DPF1: variants seen among roughly 807,000 people sequenced by gnomAD.
The protein encoded by DPF1 is zinc finger protein neuro-d4.
DPF1 carries 14 observed loss-of-function variants against 58.7 expected under a neutral mutation model. The ratio of observed to expected loss-of-function variants is 0.24; its 90% CI spans 0.16 to 0.37. The LOEUF is 0.37. Ranked by LOEUF, DPF1 falls within the 10% of genes least tolerant of loss-of-function variation. DPF1 has a pLI of 1.00. For synonymous variants in DPF1, 216 were observed against 216.0 expected, an observed-to-expected ratio of 1.00 and a Z score of 0.00; for missense variants, 345 against 529.9, an observed-to-expected ratio of 0.65 and a Z score of 3.43.
At position 38,229,437 on chromosome 19, in the gene DPF1, TG is replaced by T. The variant is rs970760545; in HGVS notation, c.-132+121del. 584 of 391,714 alleles carry T rather than the reference TG, an allele frequency of 1.5e-3. 4 individuals carry two copies. Among genetic ancestry groups the T allele is most frequent in the African/African-American group, 0.012 (558 of 44,700 alleles). 24.3% of individuals were successfully genotyped at this position (391,714 alleles called of 1,614,324 possible). A position where few individuals can be genotyped will look rare whatever the true frequency, so the allele number is the denominator to read the frequency against. On this transcript the variant is annotated intron_variant, in intron 1 of 11. Transcript: ENST00000412732. The surrounding 1 kb of genome is among the most constrained non-coding windows in gnomAD (Gnocchi z 5.3). Reference sequence around the variant, plus strand: ...GGACCCCCGGGGCAAGGGTTCGCGCTGGGGGCCCCCATTCAACTACGGTCCG... The same window carrying T: ...GGACCCCCGGGGCAAGGGTTCGCGCTGGGGCCCCCATTCAACTACGGTCCG...
Position 38,219,021 on chromosome 19 carries a change from C to T in DPF1, c.336G>A (p.Pro112=), listed in dbSNP as rs201702189. 22 of 1,614,060 alleles carry T rather than the reference C, an allele frequency of 1.4e-5. No homozygotes were observed. Among genetic ancestry groups the T allele is most frequent in the African/African-American group, 5.3e-5 (4 of 74,934 alleles). The change falls in exon 4 of 12, where the codon CCG becomes CCA. Residue 112 remains proline (P), a synonymous_variant. Coordinates refer to ENST00000355526, the MANE Select transcript of DPF1 (RefSeq NM_001135155.3). ...EAPLKKEGGL[P]EGPVLEALLC... ...GTAGAGCCTCGAGGACCGGCCCTTC[C>T]GGGAGGCCACCCTCCTTCTTCAGGG...
rs1967532514 is a variant in DPF1, at chr19:38,222,165, G to C, written c.298+192C>G. ...ACTGGGCACCTGGGCCCATGTAGGA[G>C]GAGATGCAGTCGCCACTCAGTGACT... On this transcript the variant is annotated intron_variant, in intron 3 of 11. Transcript: ENST00000355526. The surrounding 1 kb of genome is among the most constrained non-coding windows in gnomAD (Gnocchi z 4.9). 6.6e-6 allele frequency among the ~76,000 whole-genome samples: 1 copy of C among 152,070 alleles called. No individual in the cohort carries two copies. Among genetic ancestry groups the C allele is most frequent in the Admixed American group, 6.6e-5 (1 of 15,254 alleles).
chr19:38,217,632 G>C (rs1303094094), intron 6 of DPF1, 41 bp from the exon 7 acceptor site: 1 of 1,531,010 alleles, frequency 6.5e-7, no homozygotes, highest in Non-Finnish European at 8.8e-7. Context: ...CAGCCCCTCC[G>C]GGCCCCTGCC....
intron 10 of DPF1, 48 bp from the exon 11 acceptor site, chr19:38,212,409 A>C: frequency 2.0e-6 from 1 of 496,644 alleles, no homozygotes; most frequent in Non-Finnish European, 3.5e-6. Flanking sequence ...CACGGGCACC[A>C]GAAACGGGGG....
intron 5 of DPF1, among the ~76,000 whole-genome samples, chr19:38,218,299 T>C (rs527488188): frequency 6.6e-6 from 1 of 152,350 alleles, no homozygotes; most frequent in East Asian, 1.9e-4. Context: ...GCCTTGAACC[T>C]CTCCAAGGTT....
intron 3 of DPF1, among the ~76,000 whole-genome samples, chr19:38,221,581 C>T (rs1281719747): frequency 6.6e-6 from 1 of 151,910 alleles, no homozygotes; most frequent in African/African-American, 2.4e-5. Context: ...ATCCCAGTTC[C>T]CAGGGGAAGG....
chr19:38,219,165 A>C, intron 3 of DPF1, 107 bp from the exon 4 acceptor site: 1 of 1,500,194 alleles, frequency 6.7e-7, no homozygotes, highest in South Asian at 1.2e-5. Flanking sequence ...AAGAGGCTGC[A>C]GAGGCAAGGA....
intron 11 of DPF1, 43 bp downstream of exon 11, chr19:38,212,237 T>TGGGGGGGGGGGGGGCCCCCCC: frequency 1.6e-6 from 2 of 1,256,816 alleles, no homozygotes; most frequent in Non-Finnish European, 1.1e-6. Flanking sequence ...GGAGATGGCG[T>TGGGGGGGGGGGGGGCCCCCCC]TCCCACCCAC....
chr19:38,216,288 G>A (rs186185622), intron 8 of DPF1, 29 bp from the exon 9 acceptor site: 53 of 1,612,936 alleles, frequency 3.3e-5, no homozygotes, highest in Admixed American at 5.0e-5. Flanking sequence ...GCATTGGCAC[G>A]GGGCAGGCAA....
chr19:38,223,059 C>T (rs1195822874), intron 1 of DPF1: 2 of 284,910 alleles, frequency 7.0e-6, no homozygotes, highest in East Asian at 1.4e-4. Flanking sequence ...AATCCCAATA[C>T]TCACAAAGGA....
At chr19:38,220,737 G>A (rs1325275093) in intron 3 of DPF1, among the ~76,000 whole-genome samples, 2 of 152,146 alleles carry the variant, frequency 1.3e-5, no homozygotes, top group African/African-American at 2.4e-5. Flanking sequence ...ATAGCGGGGA[G>A]ATACCGACAT....
upstream of DPF1, among the ~76,000 whole-genome samples, chr19:38,227,510 C>T (rs944522237): frequency 6.6e-6 from 1 of 152,184 alleles, no homozygotes; most frequent in African/African-American, 2.4e-5. Context: ...CAGTCCTCTC[C>T]CTGGCCCAAA....
upstream of DPF1, chr19:38,224,242 C>T: frequency 7.9e-7 from 1 of 1,270,642 alleles, no homozygotes; most frequent in Non-Finnish European, 9.9e-7. This position sits in a 1 kb window ranked among gnomAD's most constrained non-coding sequence, Gnocchi z 4.5. Flanking sequence ...TCCCGGGGGG[C>T]GGGAGCACGA....
chr19:38,216,604 T>G, intron 7 of DPF1: 2 of 535,522 alleles, frequency 3.7e-6, no homozygotes, highest in Non-Finnish European at 5.9e-6. Flanking sequence ...TTTTTTCAAT[T>G]AAAAATAAAG....
At chr19:38,228,563 C>T (rs1474762302), upstream of DPF1, 2 of 144,206 alleles carry the variant, frequency 1.4e-5, no homozygotes, top group East Asian at 4.7e-4. Context: ...AGGGGAGCGC[C>T]TCGCTCGCCT....
At chr19:38,217,385 A>G in intron 7 of DPF1, 75 bp downstream of exon 7, 2 of 183,390 alleles carry the variant, frequency 1.1e-5, no homozygotes, top group African/African-American at 5.9e-5. Context: ...ATGCCCCCCC[A>G]CCCCCACCCC....
intron 7 of DPF1, 72 bp from the exon 8 acceptor site, chr19:38,216,475 C>T (rs918336428): frequency 3.1e-5 from 46 of 1,488,136 alleles, no homozygotes; most frequent in Middle Eastern, 2.0e-4. Context: ...GCCTCAGCCC[C>T]AAGGATGGAC....
upstream of DPF1, among the ~76,000 whole-genome samples, chr19:38,229,064 G>C (rs1438938923): frequency 6.6e-6 from 1 of 152,078 alleles, no homozygotes; most frequent in Non-Finnish European, 1.5e-5. This position sits in a 1 kb window ranked among gnomAD's most constrained non-coding sequence, Gnocchi z 5.3. Flanking sequence ...GACCCCCGAC[G>C]TCTCAGCTCC....
At chr19:38,226,502 C>CCACACACACACACACACACACACA (rs758283337), upstream of DPF1, among the ~76,000 whole-genome samples, 1 of 112,322 alleles carries the variant, frequency 8.9e-6, no homozygotes, top group East Asian at 3.1e-4. Context: ...ACGGTCACTT[C>CCACACACACACACACACACACACA]TACACACACA....
Sources: gnomAD v4.1 joint callset for allele counts (sites outside exome capture counted in the v4.1 genomes callset) on GRCh38, gnomAD v4.1.1 for gene constraint, Gnocchi (gnomAD v3.1) non-coding constraint, MANE v1.5 for transcripts, NCBI Gene and HGNC (gene_info 2026-07-23, HGNC 2026-07-21) for gene names.